SGCZ: variants seen among roughly 807,000 people sequenced by gnomAD.
SGCZ encodes zeta-sarcoglycan.
Under a neutral mutation model 41.3 loss-of-function variants are expected in SGCZ, and 40 were observed. That is an observed-to-expected ratio of 0.97 (90% CI 0.75 to 1.26). The LOEUF (loss-of-function observed/expected upper bound fraction) is 1.26, where lower values mean the gene tolerates loss of function less well. SGCZ is among the 50% of genes most tolerant of loss of function. The pLI, the probability that SGCZ is intolerant of heterozygous loss-of-function variation, is 0.00. For missense variants in SGCZ, 552 were observed against 369.8 expected (o/e 1.49, Z -4.04); for synonymous variants, 206 against 137.5 (o/e 1.50, Z -3.49).
intron 1 of SGCZ, among the ~76,000 whole-genome samples, chr8:14,885,874 AAAATACAT>A (rs1804769720): frequency 6.6e-6 from 1 of 151,218 alleles, no homozygotes. Flanking sequence ...GAAGAACATG[AAAATACAT>A]AAAGAAGCAG....
At chr8:15,208,342 A>T (rs1801135479) in intron 1 of SGCZ, among the ~76,000 whole-genome samples, 1 of 152,208 alleles carries the variant, frequency 6.6e-6, no homozygotes, top group African/African-American at 2.4e-5. Context: ...AAGACATAAC[A>T]TCTGACTAAC....
At chr8:14,201,370 A>T (rs1805449611) in intron 4 of SGCZ, among the ~76,000 whole-genome samples, 1 of 152,170 alleles carries the variant, frequency 6.6e-6, no homozygotes, top group Non-Finnish European at 1.5e-5. Flanking sequence ...AGACTGAAAA[A>T]TATCTAAATG....
intron 1 of SGCZ, among the ~76,000 whole-genome samples, chr8:14,776,518 C>CTTTTTTTTTTTT (rs35602866): frequency 8.6e-6 from 1 of 116,636 alleles, no homozygotes; most frequent in Non-Finnish European, 1.7e-5. Flanking sequence ...TTTTCTTTTT[C>CTTTTTTTTTTTT]TTTTTTTTTT....
chr8:14,886,005 AT>A (rs1804783756), intron 1 of SGCZ, among the ~76,000 whole-genome samples: 1 of 110,358 alleles, frequency 9.1e-6, no homozygotes, highest in Non-Finnish European at 1.9e-5. Context: ...ATATATATAT[AT>A]ATATATATAT....
intron 2 of SGCZ, among the ~76,000 whole-genome samples, chr8:14,505,365 T>A (rs979430371): frequency 6.6e-6 from 1 of 152,000 alleles, no homozygotes; most frequent in Non-Finnish European, 1.5e-5. Context: ...CAGGGCAGAG[T>A]GCTTCCCATT....
intron 5 of SGCZ, among the ~76,000 whole-genome samples, chr8:14,137,548 A>G (rs1803238180): frequency 1.3e-5 from 2 of 152,320 alleles, no homozygotes; most frequent in South Asian, 4.1e-4. Flanking sequence ...GCTTCTGTAG[A>G]TGATTCAATC....
chr8:14,194,546 A>G (rs1805205179), intron 4 of SGCZ, among the ~76,000 whole-genome samples: 1 of 151,974 alleles, frequency 6.6e-6, no homozygotes, highest in Admixed American at 6.6e-5. Context: ...TGGCAAGGCT[A>G]GGAATAATAA....
At chr8:14,281,160 C>G (rs1169887773) in intron 3 of SGCZ, among the ~76,000 whole-genome samples, 2 of 151,836 alleles carry the variant, frequency 1.3e-5, no homozygotes, top group Non-Finnish European at 2.9e-5. Flanking sequence ...TGAATGAATT[C>G]AAGATACTCA....
intron 1 of SGCZ, among the ~76,000 whole-genome samples, chr8:15,196,809 C>A (rs754482972): frequency 6.6e-6 from 1 of 152,188 alleles, no homozygotes; most frequent in East Asian, 1.9e-4. Context: ...AGGGTTTCCT[C>A]TTCTGGTGGT....
chr8:14,843,120 G>A (rs573948195), intron 1 of SGCZ, among the ~76,000 whole-genome samples: 11 of 152,168 alleles, frequency 7.2e-5, no homozygotes, highest in Non-Finnish European at 1.6e-4. Context: ...GCTGAGGCAG[G>A]AGAATTGCTT....
chr8:14,473,669 G>A (rs1440152642), intron 2 of SGCZ, among the ~76,000 whole-genome samples: 2 of 152,120 alleles, frequency 1.3e-5, no homozygotes, highest in Non-Finnish European at 2.9e-5. Flanking sequence ...CGGGCGAGGT[G>A]TCTCAAGCCT....
intron 5 of SGCZ, among the ~76,000 whole-genome samples, chr8:14,122,467 G>C (rs1802729584): frequency 6.6e-6 from 1 of 152,090 alleles, no homozygotes; most frequent in Non-Finnish European, 1.5e-5. Context: ...GTAGCTACAA[G>C]GATGTTAAGA....
chr8:15,085,487 A>C (rs1805914963), intron 1 of SGCZ, among the ~76,000 whole-genome samples: 1 of 152,146 alleles, frequency 6.6e-6, no homozygotes, highest in South Asian at 2.1e-4. Context: ...TAAATTCCCC[A>C]GGAGTGGCAT....
intron 3 of SGCZ, among the ~76,000 whole-genome samples, chr8:14,247,214 G>C (rs1305353945): frequency 6.6e-6 from 1 of 152,098 alleles, no homozygotes; most frequent in Non-Finnish European, 1.5e-5. Flanking sequence ...GCTAGTCATG[G>C]AGGCCACTGC....
At chr8:14,544,015 GC>G (rs1057272034) in intron 2 of SGCZ, among the ~76,000 whole-genome samples, 3 of 152,058 alleles carry the variant, frequency 2.0e-5, no homozygotes, top group Non-Finnish European at 4.4e-5. Flanking sequence ...GATGTAAGGA[GC>G]CCCGAGCACA....
intron 1 of SGCZ, among the ~76,000 whole-genome samples, chr8:14,888,917 C>T (rs1241617198): frequency 6.6e-6 from 1 of 152,086 alleles, no homozygotes; most frequent in African/African-American, 2.4e-5. Flanking sequence ...AAGAATTGTA[C>T]TCTTTCATAA....
At chr8:15,190,354 A>ATTCATTCC (rs1395608643) in intron 1 of SGCZ, among the ~76,000 whole-genome samples, 2 of 152,032 alleles carry the variant, frequency 1.3e-5, no homozygotes, top group African/African-American at 2.4e-5. Context: ...TCATTCATTC[A>ATTCATTCC]TTCATTCATT....
At chr8:15,028,945 T>C (rs1052421883) in intron 1 of SGCZ, among the ~76,000 whole-genome samples, 1 of 152,022 alleles carries the variant, frequency 6.6e-6, no homozygotes, top group African/African-American at 2.4e-5. Context: ...GTTTTGTGAA[T>C]GAATATAAAT....
intron 1 of SGCZ, among the ~76,000 whole-genome samples, chr8:15,215,808 T>C (rs1025109252): frequency 6.6e-6 from 1 of 152,302 alleles, no homozygotes; most frequent in Middle Eastern, 3.4e-3. Flanking sequence ...GATAATAGAC[T>C]GACAAAACAT....
Sources: gnomAD v4.1 joint callset for allele counts (sites outside exome capture counted in the v4.1 genomes callset) on GRCh38, gnomAD v4.1.1 for gene constraint, MANE v1.5 for transcripts, NCBI Gene and HGNC (gene_info 2026-07-23, HGNC 2026-07-21) for gene names.